Variants in LINC00305 observed in about 807,000 individuals in gnomAD.
LINC00305 encodes long intergenic non-protein coding RNA 305.
chr18:64,087,941 AAAAC>A (rs2051209803), intron 3 of LINC00305, among the ~76,000 whole-genome samples: 2 of 151,918 alleles, frequency 1.3e-5, no homozygotes, highest in African/African-American at 4.8e-5. Context: ...ACTACAAAAA[AAAAC>A]AAAACAAACA....
chr18:64,144,663 C>T (rs2051488287), intron 1 of LINC00305, among the ~76,000 whole-genome samples: 1 of 152,096 alleles, frequency 6.6e-6, no homozygotes, highest in Non-Finnish European at 1.5e-5. Context: ...TGCCTGCCAC[C>T]ACACACAGTG....
chr18:64,095,142 C>T (rs566071091), intron 3 of LINC00305, among the ~76,000 whole-genome samples: 2 of 152,022 alleles, frequency 1.3e-5, no homozygotes, highest in East Asian at 1.9e-4. Flanking sequence ...CAAAAAATAC[C>T]CCTTTTGAGC....
intron 3 of LINC00305, among the ~76,000 whole-genome samples, chr18:64,088,455 G>T (rs1385439067): frequency 6.6e-6 from 1 of 152,172 alleles, no homozygotes; most frequent in Admixed American, 6.5e-5. Context: ...TGTACAAAGA[G>T]CACCTCTCAA....
At chr18:64,104,758 G>T (rs913880387) in intron 1 of LINC00305, among the ~76,000 whole-genome samples, 1 of 152,138 alleles carries the variant, frequency 6.6e-6, no homozygotes, top group African/African-American at 2.4e-5. Flanking sequence ...CACTTCCCCA[G>T]GACAAACAAA....
chr18:64,080,443 A>G, intron 3 of LINC00305: 1 of 421,210 alleles, frequency 2.4e-6, no homozygotes, highest in Non-Finnish European at 4.8e-6. Flanking sequence ...CAGTAGAGAA[A>G]GAGTTTAAAC....
intron 3 of LINC00305, among the ~76,000 whole-genome samples, chr18:64,080,863 T>G (rs1368731577): frequency 2.0e-5 from 3 of 152,180 alleles, no homozygotes; most frequent in African/African-American, 7.2e-5. Context: ...CACCTTCACT[T>G]ATTTTAAATC....
chr18:64,129,190 C>G (rs944146440), intron 1 of LINC00305, among the ~76,000 whole-genome samples: 3 of 152,012 alleles, frequency 2.0e-5, no homozygotes, highest in Non-Finnish European at 4.4e-5. Context: ...GAATACATTG[C>G]AATGTAGTTT....
intron 1 of LINC00305, among the ~76,000 whole-genome samples, chr18:64,114,349 A>T (rs772278931): frequency 6.6e-6 from 1 of 152,096 alleles, no homozygotes; most frequent in Non-Finnish European, 1.5e-5. Flanking sequence ...ACTTTGGGGG[A>T]GGAGACGGGT....
At chr18:64,111,983 A>G (rs2051316482) in intron 1 of LINC00305, among the ~76,000 whole-genome samples, 1 of 152,236 alleles carries the variant, frequency 6.6e-6, no homozygotes, top group South Asian at 2.1e-4. Flanking sequence ...TTAAGCAACA[A>G]AACCAATTTA....
exon 2 of LINC00305, chr18:64,098,590 C>T (rs945311477): frequency 2.2e-6 from 1 of 448,050 alleles, no homozygotes; most frequent in Non-Finnish European, 4.5e-6. Flanking sequence ...GTATAATGCA[C>T]AGTCTATGAA....
intron 1 of LINC00305, among the ~76,000 whole-genome samples, chr18:64,148,499 G>A (rs894313409): frequency 6.6e-6 from 1 of 152,078 alleles, no homozygotes; most frequent in African/African-American, 2.4e-5. Flanking sequence ...ATTTAATGAT[G>A]TCTAATGAGG....
intron 3 of LINC00305, among the ~76,000 whole-genome samples, chr18:64,085,730 G>C (rs2051200806): frequency 6.6e-6 from 1 of 152,174 alleles, no homozygotes. Context: ...CAAAGTGCTG[G>C]GATTACAGGC....
At chr18:64,094,641 T>C (rs1484452982) in intron 3 of LINC00305, among the ~76,000 whole-genome samples, 1 of 152,082 alleles carries the variant, frequency 6.6e-6, no homozygotes, top group Non-Finnish European at 1.5e-5. Flanking sequence ...GGGGGGCAGA[T>C]CACCTGAAGT....
At chr18:64,106,273 T>A (rs77637900) in intron 1 of LINC00305, among the ~76,000 whole-genome samples, 1 of 152,204 alleles carries the variant, frequency 6.6e-6, no homozygotes, top group African/African-American at 2.4e-5. Flanking sequence ...TCTCCCAGCA[T>A]GTTTCTGTAA....
At chr18:64,124,169 C>T (rs1256106207) in intron 1 of LINC00305, among the ~76,000 whole-genome samples, 2 of 152,190 alleles carry the variant, frequency 1.3e-5, no homozygotes, top group Non-Finnish European at 2.9e-5. Flanking sequence ...CTTATCCACA[C>T]ACCTCAGATT....
intron 1 of LINC00305, among the ~76,000 whole-genome samples, chr18:64,134,621 G>T (rs2144271369): frequency 6.6e-6 from 1 of 152,282 alleles, no homozygotes; most frequent in East Asian, 1.9e-4. Flanking sequence ...TTAACCAAAA[G>T]ATCTGATCTG....
At chr18:64,090,813 C>A (rs1263680073) in intron 3 of LINC00305, among the ~76,000 whole-genome samples, 3 of 152,124 alleles carry the variant, frequency 2.0e-5, no homozygotes, top group African/African-American at 4.8e-5. Flanking sequence ...GTTTTAAATG[C>A]AAATATTAGA....
chr18:64,086,293 C>A (rs1374828351), intron 3 of LINC00305, among the ~76,000 whole-genome samples: 3 of 152,060 alleles, frequency 2.0e-5, no homozygotes, highest in Non-Finnish European at 4.4e-5. Flanking sequence ...TTTTTGCCAA[C>A]AGATTTATGT....
chr18:64,088,135 G>T (rs906803073), intron 3 of LINC00305, among the ~76,000 whole-genome samples: 1 of 151,022 alleles, frequency 6.6e-6, no homozygotes, highest in Admixed American at 6.6e-5. Context: ...GCGAGACTCC[G>T]TATCAGGAAA....
Sources: allele counts gnomAD v4.1 joint callset (sites outside exome capture counted in the v4.1 genomes callset), GRCh38; gene constraint gnomAD v4.1.1; transcripts MANE v1.5; gene names NCBI Gene and HGNC (gene_info 2026-07-23, HGNC 2026-07-21).